Variants in AGBL4 observed in about 807,000 individuals in gnomAD.
The protein encoded by AGBL4 is cytosolic carboxypeptidase 6.
AGBL4 carries 58 observed loss-of-function variants against 66.4 expected under a neutral mutation model. The ratio of observed to expected loss-of-function variants is 0.87; its 90% CI spans 0.71 to 1.09. The LOEUF is 1.09. Among genes scored for constraint, AGBL4 ranks in the 50% least tolerant of loss-of-function variants. The probability of loss-of-function intolerance (pLI) is 0.00; values close to 1 mark genes in which losing one functional copy is unlikely to be tolerated. For synonymous variants in AGBL4, 234 were observed against 222.9 expected, an observed-to-expected ratio of 1.05 and a Z score of -0.44; for missense variants, 579 against 631.0, an observed-to-expected ratio of 0.92 and a Z score of 0.88.
intron 4 of AGBL4, among the ~76,000 whole-genome samples, chr1:49,087,694 C>T (rs1483706962): frequency 6.6e-6 from 1 of 152,176 alleles, no homozygotes; most frequent in Non-Finnish European, 1.5e-5. Context: ...ATTTCCCTAA[C>T]CTCACTAGGC....
intron 3 of AGBL4, among the ~76,000 whole-genome samples, chr1:49,401,417 T>C (rs1645083368): frequency 6.6e-6 from 1 of 152,296 alleles, no homozygotes; most frequent in South Asian, 2.1e-4. Flanking sequence ...CACACATCAA[T>C]TGAAAGAATC....
At chr1:49,511,847 G>T (rs1047412046) in intron 3 of AGBL4, among the ~76,000 whole-genome samples, 3 of 151,820 alleles carry the variant, frequency 2.0e-5, no homozygotes, top group African/African-American at 7.2e-5. Context: ...GTTTTGAAAA[G>T]TTAAAAGTTT....
intron 6 of AGBL4, among the ~76,000 whole-genome samples, chr1:48,760,725 T>C (rs909388878): frequency 1.3e-5 from 2 of 152,040 alleles, no homozygotes; most frequent in African/African-American, 4.8e-5. Context: ...GCAGAAGACA[T>C]CCCACTTCCT....
chr1:49,211,531 TA>T (rs367634451), intron 4 of AGBL4, among the ~76,000 whole-genome samples: 3 of 152,122 alleles, frequency 2.0e-5, no homozygotes, highest in Non-Finnish European at 2.9e-5. Flanking sequence ...TCTTGGTAAC[TA>T]AAAAAATACC....
chr1:48,784,923 C>A (rs150439332), intron 6 of AGBL4, among the ~76,000 whole-genome samples: 1 of 152,170 alleles, frequency 6.6e-6, no homozygotes, highest in African/African-American at 2.4e-5. Context: ...CATTTGAATT[C>A]GTTTTGAAAA....
chr1:48,950,731 G>A (rs1479140394), intron 5 of AGBL4, among the ~76,000 whole-genome samples: 3 of 152,078 alleles, frequency 2.0e-5, no homozygotes, highest in Non-Finnish European at 4.4e-5. Context: ...TCCCTTTTCT[G>A]GTCTCCTGGC....
chr1:49,950,832 C>T (rs1656090394), intron 1 of AGBL4, among the ~76,000 whole-genome samples: 1 of 151,618 alleles, frequency 6.6e-6, no homozygotes, highest in Admixed American at 6.6e-5. Context: ...GGAATCAACC[C>T]AAGTGTCAAT....
intron 1 of AGBL4, among the ~76,000 whole-genome samples, chr1:49,892,086 T>C (rs576422161): frequency 1.3e-5 from 2 of 152,266 alleles, no homozygotes; most frequent in South Asian, 4.1e-4. Flanking sequence ...CTGCAATCAG[T>C]GAACAAGATA....
intron 6 of AGBL4, among the ~76,000 whole-genome samples, chr1:48,850,167 G>A (rs1307677375): frequency 1.3e-5 from 2 of 152,126 alleles, no homozygotes; most frequent in Non-Finnish European, 2.9e-5. Flanking sequence ...TATACTTTGA[G>A]AACAAATGGA....
At chr1:48,904,472 G>C (rs138953061) in intron 5 of AGBL4, among the ~76,000 whole-genome samples, 1 of 152,258 alleles carries the variant, frequency 6.6e-6, no homozygotes, top group Non-Finnish European at 1.5e-5. Context: ...GACAGTTTAA[G>C]ACAAGTTTCT....
chr1:48,853,573 C>T (rs975303014), intron 6 of AGBL4, among the ~76,000 whole-genome samples: 10 of 152,222 alleles, frequency 6.6e-5, no homozygotes, highest in South Asian at 6.2e-4. Context: ...TTTTTATAAA[C>T]GGTAAAATGG....
chr1:49,025,984 T>C (rs1462621267), intron 5 of AGBL4, among the ~76,000 whole-genome samples: 1 of 152,314 alleles, frequency 6.6e-6, no homozygotes, highest in East Asian at 1.9e-4. Flanking sequence ...CTATTTCAAG[T>C]GTGCAATTTA....
At chr1:49,269,425 T>C (rs900245183) in intron 3 of AGBL4, 2 of 152,208 alleles carry the variant, frequency 1.3e-5, no homozygotes, top group Non-Finnish European at 2.9e-5. Flanking sequence ...TAAAGCTGTA[T>C]TTTGTGTGGG....
intron 6 of AGBL4, among the ~76,000 whole-genome samples, chr1:48,664,508 G>A (rs1354892990): frequency 6.6e-6 from 1 of 152,130 alleles, no homozygotes; most frequent in East Asian, 1.9e-4. Flanking sequence ...AGTCTCAAAA[G>A]GATCAAACTG....
At chr1:49,355,070 A>G (rs562012661) in intron 3 of AGBL4, among the ~76,000 whole-genome samples, 8 of 152,204 alleles carry the variant, frequency 5.3e-5, no homozygotes, top group Non-Finnish European at 1.0e-4. Flanking sequence ...GAGAAAAACC[A>G]TGCAGACACG....
chr1:49,846,685 T>C (rs369190261), intron 2 of AGBL4, among the ~76,000 whole-genome samples: 11 of 151,712 alleles, frequency 7.3e-5, no homozygotes, highest in Admixed American at 3.9e-4. Context: ...TTACAACAAC[T>C]ACAAAAAAAT....
chr1:49,898,899 G>C (rs1312913173), intron 1 of AGBL4, among the ~76,000 whole-genome samples: 1 of 152,084 alleles, frequency 6.6e-6, no homozygotes, highest in Non-Finnish European at 1.5e-5. Context: ...CTCATTTTTT[G>C]TGTGTGGGAG....
intron 10 of AGBL4, among the ~76,000 whole-genome samples, chr1:48,587,874 C>T (rs1644849572): frequency 6.6e-6 from 1 of 151,726 alleles, no homozygotes; most frequent in African/African-American, 2.4e-5. Flanking sequence ...GATCTCCTGA[C>T]CTCGTGATCC....
At chr1:49,820,403 G>A (rs1645338621) in intron 2 of AGBL4, among the ~76,000 whole-genome samples, 1 of 152,108 alleles carries the variant, frequency 6.6e-6, no homozygotes, top group Non-Finnish European at 1.5e-5. Context: ...GTTATAAATT[G>A]TATCCCATAA....
Sources: allele counts gnomAD v4.1 joint callset (sites outside exome capture counted in the v4.1 genomes callset), GRCh38; gene constraint gnomAD v4.1.1; transcripts MANE v1.5; gene names NCBI Gene and HGNC (gene_info 2026-07-23, HGNC 2026-07-21).